The following SAFB2 variants were observed in gnomAD, a reference collection of about 807,000 sequenced individuals.
The protein encoded by SAFB2 is scaffold attachment factor B2.
A neutral mutation model predicts 100.6 loss-of-function variants in SAFB2; 32 were observed. The ratio of observed to expected loss-of-function variants is 0.32; its 90% CI spans 0.24 to 0.43. The LOEUF is 0.43. Ranked by LOEUF, SAFB2 falls within the 20% of genes least tolerant of loss-of-function variation. The probability of loss-of-function intolerance (pLI) is 1.00; values close to 1 mark genes in which losing one functional copy is unlikely to be tolerated. For synonymous variants in SAFB2, 500 were observed against 439.4 expected (o/e 1.14, Z -1.72); for missense variants, 1,185 against 1,163.4 (o/e 1.02, Z -0.27).
Position 5,604,668 on chromosome 19 carries a change from G to C in SAFB2, c.1474C>G (p.Leu492Val). The C allele has an allele frequency of 6.2e-7, 1 of 1,614,200 alleles. No individual in the cohort carries two copies. Among genetic ancestry groups the C allele is most frequent in the South Asian group, 1.1e-5 (1 of 91,078 alleles). Reference sequence around the variant, plus strand: ...ACTTCGCACTCTTTTCTGTCGGAAAGCTTTTTCCCAGCAGGCTCATTTTTG... The same window carrying C: ...ACTTCGCACTCTTTTCTGTCGGAAACCTTTTTCCCAGCAGGCTCATTTTTG... ...KAKNEPAGKK[L>V]SDRKECEVKK... Residue 492 changes from leucine to valine, a missense_variant, in exon 11 of 21, where the codon CTT becomes GTT. This residue lies in a region of SAFB2 where 740 missense variants were observed against 687.1 expected (regional missense o/e 1.08). Coordinates refer to ENST00000252542, the MANE Select transcript of SAFB2 (RefSeq NM_014649.3).
chr19:5,591,873 G>A (rs768604954), intron 16 of SAFB2, 80 bp from the exon 17 acceptor site: 6 of 1,364,514 alleles, frequency 4.4e-6, no homozygotes, highest in East Asian at 2.3e-5. Flanking sequence ...TTCGCGACTG[G>A]GATACTTTTT....
In SAFB2 at chr19:5,615,347, T is replaced by A. The variant is rs573348171; in HGVS notation, c.543+785A>T. ...TCCAGCCTGGGTGACTGAGAGAGAC[T>A]CTGTCTCAAAAACAAACAAACAAAC... On this transcript the variant is annotated intron_variant, in intron 4 of 20. Coordinates refer to ENST00000252542, the MANE Select transcript of SAFB2 (RefSeq NM_014649.3). Among the ~76,000 whole-genome samples the A allele has an allele frequency of 1.5e-4, 23 of 150,944 alleles. No homozygotes were observed. In the South Asian group the frequency reaches 4.6e-3, roughly 30 times the overall value.
chr19:5,613,767 T>C, intron 4 of SAFB2: 1 of 984,684 alleles, frequency 1.0e-6, no homozygotes, highest in Non-Finnish European at 1.2e-6. Context: ...CTGTACTGGG[T>C]GAATGAACGA....
intron 13 of SAFB2, among the ~76,000 whole-genome samples, chr19:5,597,607 A>G (rs1400997015): frequency 2.0e-5 from 3 of 152,250 alleles, no homozygotes; most frequent in African/African-American, 4.8e-5. Flanking sequence ...GAGGAGCCCA[A>G]CTGGACACAC....
Position 5,600,171 on chromosome 19 carries a change from A to G in SAFB2, c.1649T>C (p.Leu550Pro), listed in dbSNP as rs911136554. The stretch of plus-strand genomic sequence containing the variant: ...AGACCGATTTGTAGGTCCGGGTTTC[A>G]GCTCATCCTGGTCTTTTTCTTCCTT... ...IKKEEKDQDE[L>P]KPGPTNRSRV... is the part of the protein sequence containing the mutation. The change falls in exon 12 of 21, where the codon CTG becomes CCG. Residue 550 changes from leucine (L) to proline (P), a missense_variant. Physicochemically the swap from Leu to Pro is moderately conservative, Grantham distance 98. Around this residue, in one of 3 missense-constraint regions of SAFB2, gnomAD observed 740 missense variants for 687.1 expected, o/e 1.08. Coordinates refer to ENST00000252542, the MANE Select transcript of SAFB2 (RefSeq NM_014649.3). 6.2e-7 allele frequency: 1 copy of G among 1,613,956 alleles called. No homozygotes were observed. The highest frequency in any genetic ancestry group is 1.3e-5 in the African/African-American group (1 of 74,874).
chr19:5,611,933 C>CT, intron 6 of SAFB2: 1 of 502,014 alleles, frequency 2.0e-6, no homozygotes, highest in Non-Finnish European at 3.6e-6. Flanking sequence ...GGTCTTCTGA[C>CT]TGATTTTCCA....
At chr19:5,608,677 A>T (rs1247183218) in intron 9 of SAFB2, among the ~76,000 whole-genome samples, 6 of 152,190 alleles carry the variant, frequency 3.9e-5, no homozygotes. Flanking sequence ...CCCTCCAGAC[A>T]CTAAATGGTC....
rs1049091253 is a variant in SAFB2, at chr19:5,587,884, C to T, written c.2622G>A (p.Glu874=). 9 of 1,611,450 alleles carry T rather than the reference C, an allele frequency of 5.6e-6. No homozygotes were observed. Among genetic ancestry groups the T allele is most frequent in the African/African-American group, 5.3e-5 (4 of 74,932 alleles). Residue 874 remains glutamate (E), a synonymous_variant, in exon 19 of 21, where the codon GAG becomes GAA. Coordinates refer to ENST00000252542, the MANE Select transcript of SAFB2 (RefSeq NM_014649.3). This position sits in a 1 kb window ranked among gnomAD's most constrained non-coding sequence, Gnocchi z 4.9. ...GCCCCGTACCTTGCCACCTGGCGTG[C>T]TCCCGGCTAGCCGCGCCTGCGTCCA... ...GAMDAGAASR[E]HARWQGGERG... is the part of the protein sequence containing the mutation.
chr19:5,612,060 G>A (rs1181717785), intron 6 of SAFB2: 1 of 341,842 alleles, frequency 2.9e-6, no homozygotes, highest in South Asian at 2.6e-5. Flanking sequence ...TCTTCTGACG[G>A]TGGGAGATAA....
intron 12 of SAFB2, among the ~76,000 whole-genome samples, chr19:5,599,574 A>AT (rs1365948040): frequency 6.6e-6 from 1 of 151,214 alleles, no homozygotes; most frequent in Non-Finnish European, 1.5e-5. Flanking sequence ...CTCTTCCTTG[A>AT]TGGGGGAGGT....
chr19:5,617,436 T>C (rs529805815), intron 2 of SAFB2, among the ~76,000 whole-genome samples: 4 of 152,316 alleles, frequency 2.6e-5, no homozygotes, highest in African/African-American at 7.2e-5. Context: ...TGAGGCTCTA[T>C]ATGTATCAAA....
At position 5,615,811 on chromosome 19, in the gene SAFB2, GC is replaced by G. The variant is rs2053015348; in HGVS notation, c.543+320del. 1.3e-5 allele frequency among the ~76,000 whole-genome samples: 2 copies of G among 152,250 alleles called. 1 individual carries two copies. Among genetic ancestry groups the G allele is most frequent in the South Asian group, 4.1e-4 (2 of 4,832 alleles). ...CCAGGTAGTCAGGAGGATCGCTGGA[GC>G]CCAAGAGTTCAAGACCGGCCTGGGT... On this transcript the variant is annotated intron_variant, in intron 4 of 20. Coordinates refer to ENST00000252542, the MANE Select transcript of SAFB2 (RefSeq NM_014649.3).
At chr19:5,622,499 T>C in intron 1 of SAFB2, 31 bp downstream of exon 1, 1 of 1,539,416 alleles carries the variant, frequency 6.5e-7, no homozygotes, top group Non-Finnish European at 8.7e-7. Context: ...CCGGGCCTCC[T>C]GCGCCACCCC....
chr19:5,616,084 G>C (rs1312927076), intron 4 of SAFB2, 48 bp downstream of exon 4: 2 of 1,580,926 alleles, frequency 1.3e-6, no homozygotes, highest in African/African-American at 2.7e-5. Context: ...CGAGCACCAG[G>C]TGCCTCGGGG....
intron 4 of SAFB2, among the ~76,000 whole-genome samples, chr19:5,615,329 T>C (rs2053002192): frequency 6.6e-6 from 1 of 152,124 alleles, no homozygotes; most frequent in African/African-American, 2.4e-5. Flanking sequence ...CACTCCAGCC[T>C]GGGTGACTGA....
intron 11 of SAFB2, among the ~76,000 whole-genome samples, chr19:5,600,911 TC>T (rs2052642080): frequency 6.6e-6 from 1 of 152,210 alleles, no homozygotes; most frequent in African/African-American, 2.4e-5. Flanking sequence ...GCTGCTGCGT[TC>T]CCTAATGCCA....
chr19:5,609,984 G>C lies in SAFB2; in HGVS notation c.1296+11C>G. ...ATCACAGTGGATGGTATGAGGCAAG[G>C]GAAGGCATACCTTCCCATACTTGCT... On this transcript the variant is annotated intron_variant, in intron 9 of 20. Transcript: ENST00000252542. 6.2e-7 allele frequency: 1 copy of C among 1,610,408 alleles called. No individual in the cohort carries two copies. The highest frequency in any genetic ancestry group is 8.5e-7 in the Non-Finnish European group (1 of 1,177,046).
At chr19:5,609,207 T>C (rs2145347434) in intron 9 of SAFB2, among the ~76,000 whole-genome samples, 1 of 152,196 alleles carries the variant, frequency 6.6e-6, no homozygotes. Context: ...AGCAGCATCT[T>C]AGTGATTTAT....
In SAFB2 at chr19:5,587,508, C is replaced by T; in HGVS notation, c.2706-109G>A. Reference sequence around the variant, plus strand: ...CCTTTAGAGCGCTTGGGTTTTTTTTCCAGGTGAGAAAAATCATCATCGCAC... The same window carrying T: ...CCTTTAGAGCGCTTGGGTTTTTTTTTCAGGTGAGAAAAATCATCATCGCAC... On this transcript the variant is annotated intron_variant, in intron 20 of 20. Coordinates refer to ENST00000252542, the MANE Select transcript of SAFB2 (RefSeq NM_014649.3). This position sits in a 1 kb window ranked among gnomAD's most constrained non-coding sequence, Gnocchi z 4.9. The T allele has an allele frequency of 6.8e-7, 1 of 1,478,942 alleles. No individual in the cohort carries two copies. The highest frequency in any genetic ancestry group is 9.0e-7 in the Non-Finnish European group (1 of 1,109,464). 91.6% of individuals were successfully genotyped at this position (1,478,942 alleles called of 1,614,324 possible).
Sources: gnomAD v4.1 joint callset for allele counts (sites outside exome capture counted in the v4.1 genomes callset) on GRCh38, gnomAD v4.1.1 for gene constraint, gnomAD v4.1.1 regional missense constraint, Gnocchi (gnomAD v3.1) non-coding constraint, MANE v1.5 for transcripts, NCBI Gene and HGNC (gene_info 2026-07-23, HGNC 2026-07-21) for gene names.